HIVEP1: variants seen among roughly 807,000 people sequenced by gnomAD.
HIVEP1 encodes zinc finger protein 40.
HIVEP1 carries 36 observed loss-of-function variants against 180.0 expected under a neutral mutation model. The ratio of observed to expected loss-of-function variants is 0.20; its 90% CI spans 0.15 to 0.26. The LOEUF (loss-of-function observed/expected upper bound fraction) is 0.26. Ranked by LOEUF, HIVEP1 falls within the 10% of genes least tolerant of loss-of-function variation. HIVEP1 has a pLI of 1.00. For synonymous variants in HIVEP1, 1,239 were observed against 1,239.0 expected (o/e 1.00, Z 0.00); for missense variants, 3,143 against 3,268.7 (o/e 0.96, Z 0.94).
At chr6:12,131,954 C>T (rs1221542267) in intron 6 of HIVEP1, among the ~76,000 whole-genome samples, 1 of 151,982 alleles carries the variant, frequency 6.6e-6, no homozygotes, top group Non-Finnish European at 1.5e-5. Flanking sequence ...TATTTATGGG[C>T]ATTTAAAGAG....
chr6:12,015,700 T>G, intron 2 of HIVEP1, 32 bp downstream of exon 2: 1 of 1,593,916 alleles, frequency 6.3e-7, no homozygotes, highest in African/African-American at 1.3e-5. Context: ...AAGTAAGGCT[T>G]GCTGTAAATC....
intron 2 of HIVEP1, among the ~76,000 whole-genome samples, chr6:12,043,349 G>A (rs1368755402): frequency 1.4e-5 from 2 of 147,804 alleles, no homozygotes; most frequent in Non-Finnish European, 3.0e-5. Context: ...CACTTTCTAA[G>A]TGAAAATTTT....
At chr6:12,181,880 T>G in the HIVEP1 span, among the ~76,000 whole-genome samples, 1 of 152,160 alleles carries the variant, frequency 6.6e-6, no homozygotes, top group African/African-American at 2.4e-5. Flanking sequence ...TTTTTTTCTC[T>G]TTTGATCATA....
At chr6:12,068,352 A>C (rs1771739275) in intron 2 of HIVEP1, among the ~76,000 whole-genome samples, 1 of 152,188 alleles carries the variant, frequency 6.6e-6, no homozygotes, top group South Asian at 2.1e-4. Flanking sequence ...GGCTTCCCAA[A>C]GTACTAGGAT....
At position 12,163,580 on chromosome 6, in the gene HIVEP1, C is replaced by T. The variant is rs1562018197; in HGVS notation, c.7276C>T (p.Leu2426Phe). The T allele has an allele frequency of 3.1e-6, 5 of 1,614,222 alleles. No homozygotes were observed. Among genetic ancestry groups the T allele is most frequent in the Non-Finnish European group, 4.2e-6 (5 of 1,180,028 alleles). Residue 2426 changes from leucine (L) to phenylalanine (F), a missense_variant, in exon 9 of 9, where the codon CTC becomes TTC. Leu to Phe is a conservative substitution (Grantham distance 22, BLOSUM62 0). Coordinates refer to ENST00000379388, the MANE Select transcript of HIVEP1 (RefSeq NM_002114.4). ...FVPLQAGPVQ[L>F]TIPAVSVVHR... ...GCCCCTTCAGGCTGGACCAGTGCAG[C>T]TCACGATCCCTGCTGTCAGTGTCGT...
At chr6:12,171,280 T>C in the HIVEP1 span, among the ~76,000 whole-genome samples, 1 of 152,182 alleles carries the variant, frequency 6.6e-6, no homozygotes, top group African/African-American at 2.4e-5. Context: ...CTTGAACTCC[T>C]GACCGCAAGC....
downstream of HIVEP1, among the ~76,000 whole-genome samples, chr6:12,167,636 TA>T (rs56329650): frequency 0.19 from 4,319 of 23,344 alleles, 450 homozygotes; most frequent in African/African-American, 0.34. Context: ...ACATGTTATA[TA>T]TACATATACA....
At chr6:12,189,343 C>T in the HIVEP1 span, among the ~76,000 whole-genome samples, 9 of 151,810 alleles carry the variant, frequency 5.9e-5, no homozygotes, top group Non-Finnish European at 7.4e-5. Context: ...AATTTGATGA[C>T]ATAGAAATTT....
At position 12,075,590 on chromosome 6, in the gene HIVEP1, C is replaced by CTT. The variant is rs11299317; in HGVS notation, c.41-13583_41-13582dup. On this transcript the variant is annotated intron_variant, in intron 2 of 8. Transcript: ENST00000379388. The stretch of plus-strand genomic sequence containing the variant: ...GTTTTTAAAAAATTTCAGATTGGGC[C>CTT]TTTTTTTTTTTTCTAAACTTCATTA... Among the ~76,000 whole-genome samples, 149 of 144,072 alleles carry CTT rather than the reference C, an allele frequency of 1.0e-3. 1 individual carries two copies. The Middle Eastern group carries it at 0.011, about 11-fold the overall frequency. 94.5% of individuals were successfully genotyped at this position (144,072 alleles called of 152,430 possible).
the HIVEP1 span, among the ~76,000 whole-genome samples, chr6:12,171,481 G>A: frequency 1.9e-3 from 293 of 152,304 alleles, no homozygotes; most frequent in African/African-American, 6.8e-3. Flanking sequence ...AGCACATTCT[G>A]AGGCCATCAG....
the HIVEP1 span, among the ~76,000 whole-genome samples, chr6:12,187,804 T>A: frequency 2.0e-5 from 3 of 152,118 alleles, no homozygotes; most frequent in South Asian, 6.2e-4. Flanking sequence ...CAGGCTGGTC[T>A]TGAACCCCTG....
At chr6:12,085,114 C>A (rs1034681769) in intron 2 of HIVEP1, among the ~76,000 whole-genome samples, 1 of 152,050 alleles carries the variant, frequency 6.6e-6, no homozygotes, top group Admixed American at 6.6e-5. Flanking sequence ...TTTATATGAT[C>A]AGTAAACCAC....
chr6:12,155,162 A>G (rs927231484), intron 7 of HIVEP1, among the ~76,000 whole-genome samples: 2 of 152,224 alleles, frequency 1.3e-5, no homozygotes, highest in Admixed American at 1.3e-4. Context: ...ACAAAATTCG[A>G]ATGTTGTGTT....
At position 12,063,369 on chromosome 6, in the gene HIVEP1, C is replaced by G. The variant is rs1771362435; in HGVS notation, c.41-25815C>G. The stretch of plus-strand genomic sequence containing the variant: ...CCCTCAGTTGTAAACCAAGATGTCT[C>G]CAGGCATTTCCAAATGCCTTTTGGG... On this transcript the variant is annotated intron_variant, in intron 2 of 8. Coordinates refer to ENST00000379388, the MANE Select transcript of HIVEP1 (RefSeq NM_002114.4). The surrounding 1 kb of genome is among the most constrained non-coding windows in gnomAD (Gnocchi z 4.2). 6.6e-6 allele frequency among the ~76,000 whole-genome samples: 1 copy of G among 152,112 alleles called. No individual in the cohort carries two copies. Among genetic ancestry groups the G allele is most frequent in the African/African-American group, 2.4e-5 (1 of 41,418 alleles).
At chr6:12,064,995 G>A (rs1446901635) in intron 2 of HIVEP1, among the ~76,000 whole-genome samples, 1 of 152,104 alleles carries the variant, frequency 6.6e-6, no homozygotes, top group African/African-American at 2.4e-5. Context: ...CTATCTTCAG[G>A]TTGCTAAAAC....
chr6:12,017,387 G>A (rs115538918), intron 2 of HIVEP1, among the ~76,000 whole-genome samples: 9 of 152,178 alleles, frequency 5.9e-5, no homozygotes, highest in Non-Finnish European at 1.3e-4. Flanking sequence ...TCGTGGTCTC[G>A]CTGGTTCAGG....
chr6:12,172,849 G>A, the HIVEP1 span, among the ~76,000 whole-genome samples: 43 of 150,606 alleles, frequency 2.9e-4, no homozygotes, highest in African/African-American at 1.0e-3. Context: ...TGATAATTGG[G>A]TTGTATTGTA....
chr6:12,022,868 T>C (rs1768334161), intron 2 of HIVEP1, among the ~76,000 whole-genome samples: 1 of 152,228 alleles, frequency 6.6e-6, no homozygotes, highest in Non-Finnish European at 1.5e-5. Context: ...GAGAGGTCAG[T>C]GCAGAAAATA....
chr6:12,207,981 C>T, the HIVEP1 span, among the ~76,000 whole-genome samples: 3 of 151,506 alleles, frequency 2.0e-5, no homozygotes, highest in Admixed American at 2.0e-4. Flanking sequence ...TCAGCTGTGT[C>T]ACTCACTATA....
Sources: allele counts gnomAD v4.1 joint callset (sites outside exome capture counted in the v4.1 genomes callset), GRCh38; gene constraint gnomAD v4.1.1; non-coding constraint Gnocchi (gnomAD v3.1); transcripts MANE v1.5; gene names NCBI Gene and HGNC (gene_info 2026-07-23, HGNC 2026-07-21).